PLCL2: variants seen among roughly 807,000 people sequenced by gnomAD.
PLCL2 encodes phospholipase C like 2.
PLCL2 carries 4 observed loss-of-function variants against 79.6 expected under a neutral mutation model. That is an observed-to-expected ratio of 0.05 (90% CI 0.02 to 0.11). The LOEUF is 0.11. Among genes scored for constraint, PLCL2 ranks in the 10% least tolerant of loss-of-function variants. The pLI is 1.00. For missense variants in PLCL2, 895 were observed against 1,291.0 expected (o/e 0.69, Z 4.70); for synonymous variants, 484 against 457.7 (o/e 1.06, Z -0.73).
At chr3:16,996,271 C>T (rs73816267) in intron 1 of PLCL2, among the ~76,000 whole-genome samples, 4 of 152,084 alleles carry the variant, frequency 2.6e-5, no homozygotes, top group South Asian at 2.1e-4. Flanking sequence ...GAGTGGGCTG[C>T]GACTCAGGGC....
intron 1 of PLCL2, among the ~76,000 whole-genome samples, chr3:16,972,627 C>A (rs1021536155): frequency 1.3e-5 from 2 of 151,996 alleles, no homozygotes; most frequent in Non-Finnish European, 2.9e-5. Flanking sequence ...TGTGATTATC[C>A]AAGTCTTCAT....
chr3:17,024,547 C>T (rs1171880687), intron 3 of PLCL2, among the ~76,000 whole-genome samples: 1 of 152,176 alleles, frequency 6.6e-6, no homozygotes, highest in Non-Finnish European at 1.5e-5. Flanking sequence ...AGTATTGTCT[C>T]TACATTCAGT....
intron 5 of PLCL2, among the ~76,000 whole-genome samples, chr3:17,078,534 T>C (rs1027831067): frequency 1.1e-4 from 17 of 152,124 alleles, no homozygotes; most frequent in African/African-American, 3.9e-4. Context: ...TCCAGATGAA[T>C]GGCTGCCAGG....
intron 1 of PLCL2, among the ~76,000 whole-genome samples, chr3:16,930,560 C>T (rs1056481291): frequency 6.6e-6 from 1 of 152,176 alleles, no homozygotes; most frequent in Non-Finnish European, 1.5e-5. Context: ...TAGGGTTTTA[C>T]CACAAATCAG....
chr3:17,071,292 TTA>T (rs2065058246), intron 5 of PLCL2, among the ~76,000 whole-genome samples: 1 of 152,202 alleles, frequency 6.6e-6, no homozygotes, highest in Non-Finnish European at 1.5e-5. Context: ...GTCCCAGTTT[TTA>T]TGAATCTTTA....
rs545454615 is a variant in PLCL2 at position 16,902,784 on chromosome 3, G to A, written c.327+17418G>A. Among the ~76,000 whole-genome samples, 259 of 144,860 alleles carry A rather than the reference G, an allele frequency of 1.8e-3. 2 individuals are homozygous for A. Among genetic ancestry groups the A allele is most frequent in the Non-Finnish European group, 3.1e-3 (210 of 67,376 alleles). ...AGAGGTTATAGTGAGCTGAGATCAT[G>A]CCACTGCACTCCAGCCTGGTAAACA... On this transcript the variant is annotated intron_variant, in intron 1 of 5. Coordinates refer to ENST00000615277, the MANE Select transcript of PLCL2 (RefSeq NM_001144382.2).
chr3:16,926,638 T>A (rs1697258575), intron 1 of PLCL2, among the ~76,000 whole-genome samples: 1 of 144,602 alleles, frequency 6.9e-6, no homozygotes, highest in African/African-American at 2.5e-5. Context: ...AATCAAAACC[T>A]TTTTTTTTTT....
intron 4 of PLCL2, among the ~76,000 whole-genome samples, chr3:17,065,004 A>G (rs1476168637): frequency 3.3e-5 from 5 of 151,744 alleles, no homozygotes; most frequent in African/African-American, 1.2e-4. Flanking sequence ...TAAATAAATG[A>G]CAATGGGATT....
At chr3:17,016,781 C>T (rs554429622) in intron 3 of PLCL2, among the ~76,000 whole-genome samples, 296 of 152,220 alleles carry the variant, frequency 1.9e-3, no homozygotes, top group Non-Finnish European at 3.7e-3. Context: ...TATTTATAAA[C>T]GCTTTTTAAG....
intron 3 of PLCL2, among the ~76,000 whole-genome samples, chr3:17,026,726 G>A (rs961874625): frequency 3.9e-5 from 6 of 152,038 alleles, no homozygotes; most frequent in Admixed American, 1.3e-4. Flanking sequence ...AATTAGCCAG[G>A]CATGATGGTG....
chr3:17,015,029 C>G (rs562470411), intron 3 of PLCL2, 118 bp downstream of exon 3: 1 of 752,264 alleles, frequency 1.3e-6, no homozygotes, highest in South Asian at 1.6e-5. Flanking sequence ...GCTTCATTCA[C>G]CTATGCTGGA....
At chr3:16,990,612 G>A (rs749027442) in intron 1 of PLCL2, among the ~76,000 whole-genome samples, 14 of 152,188 alleles carry the variant, frequency 9.2e-5, no homozygotes, top group Admixed American at 7.2e-4. Flanking sequence ...TCGAGGACTT[G>A]TAATGTAAAA....
chr3:17,010,009 A>G lies in PLCL2; in HGVS notation c.663A>G (p.Ile221Met). 6.2e-7 allele frequency: 1 copy of G among 1,614,008 alleles called. No homozygotes were observed. Among genetic ancestry groups the G allele is most frequent in the South Asian group, 1.1e-5 (1 of 91,084 alleles). ...CTGAAGATTGTGCGTTTTCCGTCAT[A>G]TATGGAGAGAATTATGAGTCACTGG... ...QISEDCAFSV[I>M]YGENYESLDL... The change falls in exon 2 of 6, where the codon ATA (isoleucine) becomes ATG (methionine). Residue 221 changes from isoleucine to methionine, a missense_variant. Around this residue, in one of 6 missense-constraint regions of PLCL2, gnomAD observed 129 missense variants for 208.8 expected, o/e 0.62. Transcript: ENST00000615277. The surrounding 1 kb of genome is among the most constrained non-coding windows in gnomAD (Gnocchi z 5.8).
chr3:16,901,037 G>A (rs543520703), intron 1 of PLCL2, among the ~76,000 whole-genome samples: 47 of 152,276 alleles, frequency 3.1e-4, no homozygotes, highest in East Asian at 9.6e-4. Flanking sequence ...GAAGTTTAAC[G>A]CCTTGATTGT....
intron 4 of PLCL2, among the ~76,000 whole-genome samples, chr3:17,060,709 A>G (rs571049830): frequency 6.6e-6 from 1 of 152,324 alleles, no homozygotes; most frequent in African/African-American, 2.4e-5. Context: ...TCATGTACAG[A>G]CCATGTTATG....
chr3:17,033,353 T>C (rs1034282045), intron 3 of PLCL2, among the ~76,000 whole-genome samples: 2 of 152,198 alleles, frequency 1.3e-5, no homozygotes, highest in Non-Finnish European at 1.5e-5. Context: ...GCCAAAACCA[T>C]GCTTTGAACG....
At chr3:17,081,847 C>A (rs1330323432) in intron 5 of PLCL2, among the ~76,000 whole-genome samples, 2 of 152,214 alleles carry the variant, frequency 1.3e-5, no homozygotes. Context: ...AGATTACTTT[C>A]TGGGCCTAAG....
chr3:17,003,272 C>G (rs1227472524), intron 1 of PLCL2, among the ~76,000 whole-genome samples: 1 of 152,062 alleles, frequency 6.6e-6, no homozygotes, highest in Non-Finnish European at 1.5e-5. Context: ...TCTTCCAGGT[C>G]ATTAGTGTTG....
At chr3:17,036,247 T>G (rs964000724) in intron 3 of PLCL2, among the ~76,000 whole-genome samples, 4 of 152,184 alleles carry the variant, frequency 2.6e-5, no homozygotes, top group Non-Finnish European at 5.9e-5. Context: ...AGCGCACAGC[T>G]GGCCAAAGAC....
Sources: allele counts gnomAD v4.1 joint callset (sites outside exome capture counted in the v4.1 genomes callset), GRCh38; gene constraint gnomAD v4.1.1; regional missense constraint gnomAD v4.1.1; non-coding constraint Gnocchi (gnomAD v3.1); transcripts MANE v1.5; gene names NCBI Gene and HGNC (gene_info 2026-07-23, HGNC 2026-07-21).